The following TSBP1 variants were observed in gnomAD, a reference collection of about 807,000 sequenced individuals.
The protein encoded by TSBP1 is testis-expressed basic protein 1.
Under a neutral mutation model 68.8 loss-of-function variants are expected in TSBP1, and 56 were observed. That is an observed-to-expected ratio of 0.81 (90% confidence interval 0.66 to 1.02). The LOEUF (loss-of-function observed/expected upper bound fraction) is 1.02, where lower values mean the gene tolerates loss of function less well. TSBP1 is among the 50% of genes least tolerant of loss of function. The probability of loss-of-function intolerance (pLI) is 0.00; values close to 1 mark genes in which losing one functional copy is unlikely to be tolerated. For missense variants in TSBP1, 502 were observed against 641.2 expected (o/e 0.78, Z 2.34); for synonymous variants, 171 against 208.7 (o/e 0.82, Z 1.56).
chr6:32,328,478 A>ACAC (rs1768539330), intron 16 of TSBP1, among the ~76,000 whole-genome samples: 1 of 144,294 alleles, frequency 6.9e-6, no homozygotes, highest in Non-Finnish European at 1.5e-5. Flanking sequence ...TGCAGTGGTG[A>ACAC]GATCTCGGCT....
rs573739386 is a variant in TSBP1, at chr6:32,319,405, A to G, written c.560-3613T>C. Among the ~76,000 whole-genome samples, 57 of 152,270 alleles carry G rather than the reference A, an allele frequency of 3.7e-4. 1 individual carries two copies. Among genetic ancestry groups the G allele is most frequent in the Admixed American group, 3.0e-3 (46 of 15,290 alleles). ...TGAGCCCTCACTCTCACCCCAGTTA[A>G]TCCTCCACAATAATAGAGTGATCTT... On this transcript the variant is annotated intron_variant, in intron 18 of 22. Coordinates refer to ENST00000612031, the Ensembl canonical transcript of TSBP1.
chr6:32,317,010 G>C (rs1419824457), intron 18 of TSBP1, among the ~76,000 whole-genome samples: 1 of 152,158 alleles, frequency 6.6e-6, no homozygotes, highest in African/African-American at 2.4e-5. Context: ...TTTAAGAGGG[G>C]TTGGCCTGAG....
Position 32,302,536 on chromosome 6 carries a change from A to T in TSBP1, c.601+73T>A, listed in dbSNP as rs1765410853. 3.2e-6 allele frequency: 3 copies of T among 949,152 alleles called. No individual in the cohort carries two copies. The highest frequency in any genetic ancestry group is 5.1e-6 in the Non-Finnish European group (3 of 590,778). 58.8% of individuals were successfully genotyped at this position (949,152 alleles called of 1,614,324 possible). A position where few individuals can be genotyped will look rare whatever the true frequency, so the allele number is the denominator to read the frequency against. On this transcript the variant is annotated intron_variant, in intron 20 of 22. Coordinates refer to ENST00000612031, the Ensembl canonical transcript of TSBP1. This position sits in a 1 kb window ranked among gnomAD's most constrained non-coding sequence, Gnocchi z 5.1. ...CAAAAACAAACATAAAACATTAAAAACATTTGTAGAAAAAATTTGCTCACC... is the reference window on the plus strand; with the variant it reads ...CAAAAACAAACATAAAACATTAAAATCATTTGTAGAAAAAATTTGCTCACC...
intron 22 of TSBP1, among the ~76,000 whole-genome samples, chr6:32,295,330 C>T (rs562829540): frequency 3.9e-5 from 4 of 101,668 alleles, no homozygotes; most frequent in African/African-American, 1.2e-4. Context: ...AGTGATACTC[C>T]ATCTCACACA....
At chr6:32,320,600 A>G (rs933745396) in intron 18 of TSBP1, among the ~76,000 whole-genome samples, 26 of 151,736 alleles carry the variant, frequency 1.7e-4, no homozygotes, top group African/African-American at 5.6e-4. Context: ...ATGTGTTCCT[A>G]TATTCAATTT....
rs1028460113 is a variant in TSBP1 at position 32,333,738 on chromosome 6, T to C, written c.473-1684A>G. On this transcript the variant is annotated intron_variant, in intron 14 of 22. Coordinates refer to ENST00000612031, the Ensembl canonical transcript of TSBP1. This position sits in a 1 kb window ranked among gnomAD's most constrained non-coding sequence, Gnocchi z 4.2. ...GCTATGGTAATCTTCTAAGTCTGCGTGGTTAGTTGAATCTAAAAAGACCAT... is the reference window on the plus strand; with the variant it reads ...GCTATGGTAATCTTCTAAGTCTGCGCGGTTAGTTGAATCTAAAAAGACCAT... Among the ~76,000 whole-genome samples, 1 of 152,258 alleles carries C rather than the reference T, an allele frequency of 6.6e-6. No homozygotes were observed. Among genetic ancestry groups the C allele is most frequent in the Non-Finnish European group, 1.5e-5 (1 of 68,042 alleles).
chr6:32,295,803 T>C (rs1212990448), intron 22 of TSBP1, among the ~76,000 whole-genome samples: 1 of 151,718 alleles, frequency 6.6e-6, no homozygotes, highest in African/African-American at 2.4e-5. Context: ...TTCCAACAAA[T>C]AATTTACAGG....
rs1562075680 is a variant in TSBP1, at chr6:32,308,957, C to CCTT, written c.581-6329_581-6328insAAG. ...TCTCCTTCTCCTTCTTTTCTTCCTG[C>CCTT]TTTTTTTTTTTTTTTTTTGACAGGG... On this transcript the variant is annotated intron_variant, in intron 19 of 22. Coordinates refer to ENST00000612031, the Ensembl canonical transcript of TSBP1. Among the ~76,000 whole-genome samples the CCTT allele has an allele frequency of 4.1e-5, 5 of 122,050 alleles. 1 individual carries two copies. Among genetic ancestry groups the CCTT allele is most frequent in the Non-Finnish European group, 5.0e-5 (3 of 60,394 alleles). The allele number at this position is 122,050 out of a possible 152,430, so 80.1% of individuals were successfully genotyped here. A position where few individuals can be genotyped will look rare whatever the true frequency, so the allele number is the denominator to read the frequency against.
chr6:32,346,578 C>T (rs1771021969), intron 9 of TSBP1, among the ~76,000 whole-genome samples: 1 of 152,082 alleles, frequency 6.6e-6, no homozygotes, highest in Admixed American at 6.6e-5. Context: ...TGTCTCATGC[C>T]TGTAACCCCA....
intron 8 of TSBP1, chr6:32,350,175 G>T (rs1162364176): frequency 4.1e-6 from 2 of 482,166 alleles, no homozygotes; most frequent in East Asian, 6.1e-5. Context: ...TGTTCGAAAA[G>T]ATTTTTTGTT....
chr6:32,321,494 A>G lies in TSBP1; in HGVS notation c.559+1623T>C, dbSNP rs1345647962. On this transcript the variant is annotated intron_variant, in intron 18 of 22. Coordinates refer to ENST00000612031, the Ensembl canonical transcript of TSBP1. This position sits in a 1 kb window ranked among gnomAD's most constrained non-coding sequence, Gnocchi z 4.3. ...TGGGCATTGGTCCCTGTGCCCAATT[A>G]TAGGGCCTATTCCCAAACATGGGCA... Among the ~76,000 whole-genome samples the G allele has an allele frequency of 6.6e-6, 1 of 152,156 alleles. No homozygotes were observed. The highest frequency in any genetic ancestry group is 1.9e-4 in the East Asian group (1 of 5,190).
chr6:32,322,636 A>G (rs1767760024), intron 18 of TSBP1, 130 bp from the exon 20 acceptor site: 1 of 658,748 alleles, frequency 1.5e-6, no homozygotes, highest in Non-Finnish European at 2.8e-6. Context: ...ATTCCAAACC[A>G]CCCTATAGAT....
At chr6:32,346,785 C>T (rs1010721319) in intron 9 of TSBP1, among the ~76,000 whole-genome samples, 8 of 152,042 alleles carry the variant, frequency 5.3e-5, no homozygotes, top group Non-Finnish European at 1.0e-4. Flanking sequence ...TGCAGCGAGC[C>T]GAGGTTGCAC....
intron 9 of TSBP1, among the ~76,000 whole-genome samples, chr6:32,347,123 T>C (rs1771108495): frequency 6.6e-6 from 1 of 151,820 alleles, no homozygotes; most frequent in Non-Finnish European, 1.5e-5. Context: ...AATTAAAAAT[T>C]ATAACATTTT....
At chr6:32,331,640 A>C (rs930539750) in intron 15 of TSBP1, among the ~76,000 whole-genome samples, 2 of 152,220 alleles carry the variant, frequency 1.3e-5, no homozygotes, top group Non-Finnish European at 2.9e-5. Context: ...TACATTCTGC[A>C]GGAACAAGGG....
intron 6 of TSBP1, among the ~76,000 whole-genome samples, chr6:32,362,010 G>A (rs1041786801): frequency 6.6e-6 from 1 of 152,098 alleles, no homozygotes; most frequent in African/African-American, 2.4e-5. Context: ...AGAGGAACGG[G>A]CCGGGCGCGG....
rs762770904 is a variant in TSBP1, at chr6:32,365,429, T to C, written c.217+738A>G. ...AATGTGTGAAAGGCATGCCTGTGGG[T>C]CAGTAGTGCAAGGAGCATAGGTCAC... On this transcript the variant is annotated intron_variant, in intron 6 of 22. Coordinates refer to ENST00000612031, the Ensembl canonical transcript of TSBP1. The surrounding 1 kb of genome is among the most constrained non-coding windows in gnomAD (Gnocchi z 4.3). 1.5e-5 allele frequency: 7 copies of C among 456,958 alleles called. No individual in the cohort carries two copies. Among genetic ancestry groups the C allele is most frequent in the Non-Finnish European group, 3.1e-5 (7 of 227,044 alleles). 28.3% of individuals were successfully genotyped at this position (456,958 alleles called of 1,614,324 possible).
intron 6 of TSBP1, among the ~76,000 whole-genome samples, chr6:32,362,056 C>T (rs555828146): frequency 2.0e-5 from 3 of 151,870 alleles, no homozygotes; most frequent in Admixed American, 1.3e-4. Flanking sequence ...TTTGGGAGGC[C>T]GAGGTGGGCG....
chr6:32,308,490 T>C (rs375490867), intron 19 of TSBP1, among the ~76,000 whole-genome samples: 3,090 of 146,102 alleles, frequency 0.021, 48 homozygotes, highest in South Asian at 0.045. Flanking sequence ...CCCAGCTACT[T>C]GGGAGGCTGA....
Sources: allele counts gnomAD v4.1 joint callset (sites outside exome capture counted in the v4.1 genomes callset), GRCh38; gene constraint gnomAD v4.1.1; non-coding constraint Gnocchi (gnomAD v3.1); transcripts MANE v1.5; gene names NCBI Gene and HGNC (gene_info 2026-07-23, HGNC 2026-07-21).